OXR1: variants seen among roughly 807,000 people sequenced by gnomAD.
OXR1 encodes the protein oxidation resistance 1.
Under a neutral mutation model 104.6 loss-of-function variants are expected in OXR1, and 41 were observed. That is an observed-to-expected ratio of 0.39 (90% CI 0.31 to 0.51). The LOEUF is 0.51. Ranked by LOEUF, OXR1 falls within the 20% of genes least tolerant of loss-of-function variation. The pLI is 0.77. For missense variants in OXR1, 955 were observed against 1,031.9 expected (o/e 0.93, Z 1.02); for synonymous variants, 348 against 348.4 (o/e 1.00, Z 0.01).
intron 2 of OXR1, among the ~76,000 whole-genome samples, chr8:106,415,495 G>T (rs77335416): frequency 0.048 from 7,063 of 147,080 alleles, 539 homozygotes; most frequent in African/African-American, 0.17. Context: ...TTTTAAGACT[G>T]TGTGTGTGTG....
At chr8:106,655,034 G>A (rs575876713) in intron 3 of OXR1, among the ~76,000 whole-genome samples, 104 of 152,250 alleles carry the variant, frequency 6.8e-4, no homozygotes, top group African/African-American at 2.4e-3. Flanking sequence ...GAAACATTAA[G>A]TGAAAGAAGC....
chr8:106,310,866 T>G (rs540941786), intron 1 of OXR1, among the ~76,000 whole-genome samples: 5 of 152,296 alleles, frequency 3.3e-5, no homozygotes, highest in Non-Finnish European at 5.9e-5. Context: ...TTGTCCTCAG[T>G]GTTCCAAAAT....
At chr8:106,447,279 A>T (rs1820049946) in intron 2 of OXR1, among the ~76,000 whole-genome samples, 1 of 152,184 alleles carries the variant, frequency 6.6e-6, no homozygotes, top group Non-Finnish European at 1.5e-5. Context: ...AATCTACTTT[A>T]TCTGATTTTT....
intron 2 of OXR1, among the ~76,000 whole-genome samples, chr8:106,377,308 C>G (rs1006322677): frequency 6.6e-6 from 1 of 151,796 alleles, no homozygotes; most frequent in African/African-American, 2.4e-5. Flanking sequence ...TCAGTCTCCC[C>G]GGTAGATGGG....
At chr8:106,300,034 A>G (rs896787971) in intron 1 of OXR1, among the ~76,000 whole-genome samples, 13 of 152,232 alleles carry the variant, frequency 8.5e-5, no homozygotes, top group African/African-American at 3.1e-4. Flanking sequence ...AGAAGAGCAT[A>G]TAAATGTAAA....
chr8:106,593,384 A>G (rs1586863565), intron 3 of OXR1, among the ~76,000 whole-genome samples: 1 of 152,248 alleles, frequency 6.6e-6, no homozygotes, highest in Non-Finnish European at 1.5e-5. Flanking sequence ...TAGTGGATCC[A>G]GAATTGATTT....
At chr8:106,380,020 C>T (rs1264944322) in intron 2 of OXR1, among the ~76,000 whole-genome samples, 3 of 152,176 alleles carry the variant, frequency 2.0e-5, no homozygotes, top group East Asian at 3.9e-4. Flanking sequence ...CAGAGTTTTG[C>T]TTTTATTGCC....
rs375493396 is a variant in OXR1, at chr8:106,595,546, G to A, written c.220+76407G>A. Among the ~76,000 whole-genome samples the A allele has an allele frequency of 9.5e-4, 107 of 112,324 alleles. 1 individual carries two copies. Among genetic ancestry groups the A allele is most frequent in the African/African-American group, 3.7e-3 (101 of 27,438 alleles). The allele number at this position is 112,324 out of a possible 152,430, so 73.7% of individuals were successfully genotyped here. ...GCCTGGGCGACAAGAGTGAAACTCCGTCTCAAAAAAAAAAAAAAAAAAAAG... is the reference window on the plus strand; with the variant it reads ...GCCTGGGCGACAAGAGTGAAACTCCATCTCAAAAAAAAAAAAAAAAAAAAG... On this transcript the variant is annotated intron_variant, in intron 3 of 16. Coordinates refer to ENST00000517566, the MANE Select transcript of OXR1 (RefSeq NM_001198533.2).
In OXR1 at chr8:106,710,794, A is replaced by G. The variant is rs1463222564; in HGVS notation, c.1793+4A>G. On this transcript the variant is annotated splice_donor_region_variant and intron_variant, in intron 10 of 16. Coordinates refer to ENST00000517566, the MANE Select transcript of OXR1 (RefSeq NM_001198533.2). ...GGTTTGCTGTGCCACAAGAAAGGTA[A>G]AAAACCCATACGACACCTTGAGAGC... The G allele has an allele frequency of 6.7e-7, 1 of 1,493,804 alleles. No individual in the cohort carries two copies. The highest frequency in any genetic ancestry group is 9.0e-7 in the Non-Finnish European group (1 of 1,116,824). The allele number at this position is 1,493,804 out of a possible 1,614,324, so 92.5% of individuals were successfully genotyped here.
chr8:106,397,512 T>G (rs986448116), intron 2 of OXR1, among the ~76,000 whole-genome samples: 4 of 152,144 alleles, frequency 2.6e-5, no homozygotes, highest in African/African-American at 9.7e-5. Flanking sequence ...TAAATCTTTA[T>G]TACTTATAGT....
chr8:106,496,965 GC>G (rs930692554), intron 2 of OXR1, among the ~76,000 whole-genome samples: 10 of 152,132 alleles, frequency 6.6e-5, no homozygotes, highest in African/African-American at 1.9e-4. Flanking sequence ...ACTTCCTTTT[GC>G]TTTAGAGATA....
At chr8:106,471,552 G>A (rs1821493322) in intron 2 of OXR1, among the ~76,000 whole-genome samples, 1 of 151,702 alleles carries the variant, frequency 6.6e-6, no homozygotes, top group South Asian at 2.1e-4. Flanking sequence ...GATAGACTAG[G>A]TTATTCAGTA....
intron 2 of OXR1, among the ~76,000 whole-genome samples, chr8:106,468,913 G>T (rs1391435455): frequency 6.6e-6 from 1 of 151,514 alleles, no homozygotes; most frequent in East Asian, 1.9e-4. Flanking sequence ...ATCAAGGGCA[G>T]AAAGGTAGTC....
chr8:106,402,799 T>C (rs912922079), intron 2 of OXR1, among the ~76,000 whole-genome samples: 4 of 151,844 alleles, frequency 2.6e-5, no homozygotes, highest in African/African-American at 9.7e-5. Context: ...ATTGAAAGGG[T>C]CCTATTTCTT....
At chr8:106,647,743 C>A (rs1824205540) in intron 3 of OXR1, among the ~76,000 whole-genome samples, 1 of 152,204 alleles carries the variant, frequency 6.6e-6, no homozygotes, top group Non-Finnish European at 1.5e-5. Flanking sequence ...ATCCTCTGGC[C>A]TCAGCCTCCC....
intron 2 of OXR1, among the ~76,000 whole-genome samples, chr8:106,427,916 T>G (rs10110262): frequency 0.12 from 18,137 of 152,242 alleles, 1,508 homozygotes; most frequent in East Asian, 0.42. Context: ...TAATTATGGA[T>G]GCAAATTAAC....
At chr8:106,568,387 T>C (rs1817230641) in intron 3 of OXR1, among the ~76,000 whole-genome samples, 1 of 152,158 alleles carries the variant, frequency 6.6e-6, no homozygotes, top group African/African-American at 2.4e-5. Flanking sequence ...ATTTTAGAAT[T>C]CTCAAATCTG....
chr8:106,657,779 C>A lies in OXR1; in HGVS notation c.221-21431C>A, dbSNP rs1825264591. The A allele has an allele frequency of 3.4e-6, 4 of 1,177,780 alleles. 1 individual carries two copies. Among genetic ancestry groups the A allele is most frequent in the South Asian group, 8.9e-5 (2 of 22,498 alleles). 73.0% of individuals were successfully genotyped at this position (1,177,780 alleles called of 1,614,324 possible). On this transcript the variant is annotated intron_variant, in intron 3 of 16. Coordinates refer to ENST00000517566, the MANE Select transcript of OXR1 (RefSeq NM_001198533.2). ...AAACTTTTCGAAAACTTTTGTCCGT[C>A]TTTTGCTCCCCCGACGCGTGGTTTC...
intron 3 of OXR1, among the ~76,000 whole-genome samples, chr8:106,648,395 A>T (rs1824262204): frequency 6.6e-6 from 1 of 152,232 alleles, no homozygotes; most frequent in South Asian, 2.1e-4. Context: ...AAATATAAAC[A>T]TTACAAACCA....
Sources: allele counts gnomAD v4.1 joint callset (sites outside exome capture counted in the v4.1 genomes callset), GRCh38; gene constraint gnomAD v4.1.1; transcripts MANE v1.5; gene names NCBI Gene and HGNC (gene_info 2026-07-23, HGNC 2026-07-21).